Variants in STK24 observed in about 807,000 individuals in gnomAD.
The protein encoded by STK24 is serine/threonine-protein kinase 24.
In STK24, 21 loss-of-function variants were observed where a neutral mutation model predicts 55.6. The observed-to-expected ratio is 0.38, with a 90% CI of 0.27 to 0.54. The LOEUF (loss-of-function observed/expected upper bound fraction) is 0.54. Among genes scored for constraint, STK24 ranks in the 20% least tolerant of loss-of-function variants. The pLI is 0.79. For missense variants in STK24, 383 were observed against 538.4 expected, an observed-to-expected ratio of 0.71 and a Z score of 2.86; for synonymous variants, 200 against 215.2, an observed-to-expected ratio of 0.93 and a Z score of 0.62.
chr13:98,532,402 C>T (rs1181965832), intron 1 of STK24, among the ~76,000 whole-genome samples: 1 of 151,862 alleles, frequency 6.6e-6, no homozygotes, highest in Non-Finnish European at 1.5e-5. Context: ...ATCCCACATC[C>T]ACCAAAGACC....
At chr13:98,479,940 T>C (rs559063332) in intron 3 of STK24, among the ~76,000 whole-genome samples, 6 of 152,306 alleles carry the variant, frequency 3.9e-5, no homozygotes, top group Admixed American at 2.6e-4. Context: ...CCACAGGCTC[T>C]GAGCTGGCAG....
At chr13:98,530,119 A>G (rs72645192) in intron 1 of STK24, among the ~76,000 whole-genome samples, 12 of 2,434 alleles carry the variant, frequency 4.9e-3, no homozygotes, top group Non-Finnish European at 0.02. Context: ...ACACACACGC[A>G]CACACACACA....
chr13:98,489,226 A>G (rs1894926137), intron 2 of STK24, among the ~76,000 whole-genome samples: 1 of 152,206 alleles, frequency 6.6e-6, no homozygotes, highest in Admixed American at 6.5e-5. Flanking sequence ...CCGTGTACAC[A>G]GCAAGACTCA....
At chr13:98,539,015 C>A (rs1162274832) in intron 1 of STK24, among the ~76,000 whole-genome samples, 1 of 152,212 alleles carries the variant, frequency 6.6e-6, no homozygotes, top group Non-Finnish European at 1.5e-5. Flanking sequence ...AGGGCGACAG[C>A]CAAGACTCAC....
chr13:98,459,969 A>G (rs1893631505), intron 9 of STK24, among the ~76,000 whole-genome samples: 1 of 152,182 alleles, frequency 6.6e-6, no homozygotes, highest in Non-Finnish European at 1.5e-5. Flanking sequence ...CTTCAGTGAA[A>G]CATGTGGCTC....
chr13:98,472,069 C>T (rs1894173852), intron 5 of STK24, among the ~76,000 whole-genome samples: 1 of 152,184 alleles, frequency 6.6e-6, no homozygotes, highest in South Asian at 2.1e-4. Context: ...AAGCCAGCCA[C>T]TGGAGGGACA....
chr13:98,519,526 A>G, intron 1 of STK24, 53 bp from the exon 2 acceptor site: 1 of 1,368,614 alleles, frequency 7.3e-7, no homozygotes, highest in African/African-American at 1.4e-5. Context: ...TAGCACCACA[A>G]CTCCTTTGTC....
At chr13:98,509,998 C>T (rs1161031940) in intron 2 of STK24, among the ~76,000 whole-genome samples, 1 of 152,210 alleles carries the variant, frequency 6.6e-6, no homozygotes, top group Non-Finnish European at 1.5e-5. Context: ...ACATGTACCT[C>T]AGATATCTGT....
chr13:98,538,779 C>T lies in STK24; in HGVS notation c.43-19306G>A, dbSNP rs144345184. 2.7e-3 allele frequency among the ~76,000 whole-genome samples: 417 copies of T among 152,314 alleles called. 3 individuals are homozygous for T. Among genetic ancestry groups the T allele is most frequent in the African/African-American group, 8.7e-3 (362 of 41,564 alleles). ...CAGAGCAGCCCACCTGCCGCCTGAC[C>T]TCCTAGGTTCATCACTGCCACTGCC... On this transcript the variant is annotated intron_variant, in intron 1 of 10. Transcript: ENST00000539966.
chr13:98,470,645 C>T (rs1894108416), intron 5 of STK24, among the ~76,000 whole-genome samples: 1 of 152,218 alleles, frequency 6.6e-6, no homozygotes, highest in Non-Finnish European at 1.5e-5. Context: ...TCTCCTGGGG[C>T]ATGCTCCTGA....
chr13:98,576,242 G>A lies in STK24; in HGVS notation c.42+503C>T, dbSNP rs182854783. The stretch of plus-strand genomic sequence containing the variant: ...CACCCTGCCTACTCCGCTCGGGCCC[G>A]GACGAGTCCAGGCGCGCTCCCCGTC... On this transcript the variant is annotated intron_variant, in intron 1 of 10. Transcript: ENST00000539966. The A allele has an allele frequency of 6.7e-4, 655 of 984,618 alleles. 3 individuals are homozygous for A. The African/African-American group carries it at 0.011, about 16-fold the overall frequency. 61.0% of individuals were successfully genotyped at this position (984,618 alleles called of 1,614,324 possible).
At chr13:98,539,945 G>A (rs552195913) in intron 1 of STK24, among the ~76,000 whole-genome samples, 58 of 152,270 alleles carry the variant, frequency 3.8e-4, no homozygotes, top group Admixed American at 7.2e-4. Context: ...CACAGTAACC[G>A]CCAGTGCAAA....
intron 1 of STK24, among the ~76,000 whole-genome samples, chr13:98,525,971 G>A (rs531680207): frequency 5.0e-4 from 76 of 152,272 alleles, no homozygotes; most frequent in Non-Finnish European, 8.1e-4. Flanking sequence ...GGGGGACCTC[G>A]GGGTTAAGAG....
At chr13:98,477,078 GA>G (rs1894405787) in intron 3 of STK24, among the ~76,000 whole-genome samples, 1 of 152,214 alleles carries the variant, frequency 6.6e-6, no homozygotes, top group African/African-American at 2.4e-5. Context: ...TTACGCCACA[GA>G]CTCTGTTCCC....
At chr13:98,495,659 G>A (rs1895225623) in intron 2 of STK24, among the ~76,000 whole-genome samples, 1 of 152,214 alleles carries the variant, frequency 6.6e-6, no homozygotes. Context: ...CTAGGACAGT[G>A]TGTTCAGCAG....
chr13:98,559,312 G>A (rs1378079170), intron 1 of STK24, among the ~76,000 whole-genome samples: 4 of 152,174 alleles, frequency 2.6e-5, no homozygotes, highest in Non-Finnish European at 5.9e-5. Context: ...CGAATCACAG[G>A]AGGGTTTTTC....
chr13:98,532,906 C>T (rs1270753143), intron 1 of STK24, among the ~76,000 whole-genome samples: 1 of 152,194 alleles, frequency 6.6e-6, no homozygotes, highest in East Asian at 1.9e-4. Context: ...TACAAATGCC[C>T]CCACCATCTG....
At chr13:98,464,221 C>T (rs1039435727) in intron 6 of STK24, among the ~76,000 whole-genome samples, 9 of 151,902 alleles carry the variant, frequency 5.9e-5, no homozygotes, top group Non-Finnish European at 1.2e-4. Flanking sequence ...ATCGAGACCA[C>T]CCTGGCTAAC....
intron 2 of STK24, among the ~76,000 whole-genome samples, chr13:98,489,893 T>C (rs916850363): frequency 5.3e-5 from 8 of 151,596 alleles, no homozygotes; most frequent in African/African-American, 1.9e-4. Context: ...AACAAATACA[T>C]GAGGAGAAAA....
Sources: gnomAD v4.1 joint callset for allele counts (sites outside exome capture counted in the v4.1 genomes callset) on GRCh38, gnomAD v4.1.1 for gene constraint, MANE v1.5 for transcripts, NCBI Gene and HGNC (gene_info 2026-07-23, HGNC 2026-07-21) for gene names.